Variants in PITPNC1 observed in about 807,000 individuals in gnomAD.
The protein encoded by PITPNC1 is phosphatidylinositol transfer protein cytoplasmic 1.
A neutral mutation model predicts 44.7 loss-of-function variants in PITPNC1; 18 were observed. The ratio of observed to expected loss-of-function variants is 0.40; its 90% CI spans 0.28 to 0.60. The LOEUF (loss-of-function observed/expected upper bound fraction) is 0.60. Among genes scored for constraint, PITPNC1 ranks in the 20% least tolerant of loss-of-function variants. The pLI, the probability that PITPNC1 is intolerant of heterozygous loss-of-function variation, is 0.39. For missense variants in PITPNC1, 290 were observed against 418.4 expected (o/e 0.69, Z 2.68); for synonymous variants, 141 against 149.6 (o/e 0.94, Z 0.42).
intron 1 of PITPNC1, among the ~76,000 whole-genome samples, chr17:67,394,584 T>C (rs2038187347): frequency 6.6e-6 from 1 of 152,070 alleles, no homozygotes. Flanking sequence ...TAGACATCAC[T>C]AGGAGAACTG....
intron 6 of PITPNC1, among the ~76,000 whole-genome samples, chr17:67,663,464 G>T (rs953745198): frequency 1.3e-5 from 2 of 151,984 alleles, no homozygotes; most frequent in African/African-American, 4.8e-5. Context: ...CAGCTACTCG[G>T]AAGGCTAAGG....
At chr17:67,650,637 G>A (rs763330718) in intron 6 of PITPNC1, among the ~76,000 whole-genome samples, 11 of 151,942 alleles carry the variant, frequency 7.2e-5, no homozygotes, top group Admixed American at 2.0e-4. Context: ...TTTTAGTAGA[G>A]ACGGGGTTTC....
At chr17:67,434,969 C>T (rs1161157047) in intron 1 of PITPNC1, among the ~76,000 whole-genome samples, 2 of 150,324 alleles carry the variant, frequency 1.3e-5, no homozygotes, top group Non-Finnish European at 3.0e-5. Flanking sequence ...ATTAGCTGGG[C>T]ATGGTGGCGG....
intron 1 of PITPNC1, among the ~76,000 whole-genome samples, chr17:67,400,204 C>T (rs1221375694): frequency 2.6e-5 from 4 of 152,098 alleles, no homozygotes; most frequent in South Asian, 2.1e-4. Flanking sequence ...CTGAGATGTC[C>T]GTGGGATCTA....
At chr17:67,554,626 A>C (rs558900832) in intron 4 of PITPNC1, among the ~76,000 whole-genome samples, 42 of 152,364 alleles carry the variant, frequency 2.8e-4, no homozygotes, top group African/African-American at 8.9e-4. Flanking sequence ...GCCAAAGGAT[A>C]GAGAGGTGGT....
At chr17:67,470,678 G>C (rs902944748) in intron 1 of PITPNC1, among the ~76,000 whole-genome samples, 51 of 152,248 alleles carry the variant, frequency 3.3e-4, no homozygotes, top group African/African-American at 1.2e-3. Context: ...CCCTCTGCCC[G>C]GCCACCACCC....
chr17:67,551,413 G>A (rs2040761021), intron 2 of PITPNC1, among the ~76,000 whole-genome samples: 1 of 152,204 alleles, frequency 6.6e-6, no homozygotes, highest in Non-Finnish European at 1.5e-5. Flanking sequence ...AAATCAAAGT[G>A]TTGTTTTCTT....
chr17:67,454,400 A>T (rs1044036497), intron 1 of PITPNC1, among the ~76,000 whole-genome samples: 3 of 152,248 alleles, frequency 2.0e-5, no homozygotes, highest in African/African-American at 7.2e-5. Flanking sequence ...TATAAAATGA[A>T]TAATAGTACC....
intron 6 of PITPNC1, among the ~76,000 whole-genome samples, chr17:67,643,252 G>A (rs574312572): frequency 7.9e-5 from 12 of 152,284 alleles, no homozygotes; most frequent in African/African-American, 2.6e-4. Flanking sequence ...TGGGCATGGC[G>A]GCACGCACCT....
In PITPNC1 at chr17:67,566,627, A is replaced by G. The variant is rs145851893; in HGVS notation, c.295-11559A>G. 4.6e-3 allele frequency among the ~76,000 whole-genome samples: 695 copies of G among 152,368 alleles called. 6 individuals are homozygous for G. The highest frequency in any genetic ancestry group is 0.016 in the African/African-American group (651 of 41,592). On this transcript the variant is annotated intron_variant, in intron 4 of 8. Transcript: ENST00000581322. Reference sequence around the variant, plus strand: ...TAATTTGGCATCTAAAGGAATACCAATGAATTTCTGAAATGAATAATTATT... The same window carrying G: ...TAATTTGGCATCTAAAGGAATACCAGTGAATTTCTGAAATGAATAATTATT...
intron 1 of PITPNC1, among the ~76,000 whole-genome samples, chr17:67,517,550 G>C (rs1174122800): frequency 1.3e-5 from 2 of 152,194 alleles, no homozygotes; most frequent in African/African-American, 4.8e-5. Context: ...ACAAAATGTG[G>C]TATATCCATA....
chr17:67,485,921 A>G (rs2039772295), intron 1 of PITPNC1, among the ~76,000 whole-genome samples: 1 of 152,204 alleles, frequency 6.6e-6, no homozygotes, highest in Non-Finnish European at 1.5e-5. Context: ...TAACTTGCGT[A>G]TTAAAGAATG....
At chr17:67,548,063 T>G (rs940721650) in intron 2 of PITPNC1, among the ~76,000 whole-genome samples, 1 of 152,168 alleles carries the variant, frequency 6.6e-6, no homozygotes, top group African/African-American at 2.4e-5. Context: ...CTCGCCTCTG[T>G]TGAGACAACC....
At chr17:67,551,294 G>A (rs527775869) in intron 2 of PITPNC1, among the ~76,000 whole-genome samples, 1 of 152,290 alleles carries the variant, frequency 6.6e-6, no homozygotes, top group East Asian at 1.9e-4. Flanking sequence ...AGGAACAGCT[G>A]TGTCATTTTA....
intron 1 of PITPNC1, among the ~76,000 whole-genome samples, chr17:67,489,144 A>G (rs1379311209): frequency 6.6e-6 from 1 of 151,904 alleles, no homozygotes; most frequent in Non-Finnish European, 1.5e-5. Context: ...ACGGTAACAG[A>G]CTCCTTTTTT....
At chr17:67,413,766 C>T (rs1274133058) in intron 1 of PITPNC1, among the ~76,000 whole-genome samples, 1 of 152,146 alleles carries the variant, frequency 6.6e-6, no homozygotes, top group Non-Finnish European at 1.5e-5. Context: ...GCTTCGCAGG[C>T]ATGCAGACAG....
chr17:67,689,062 C>G (rs575359491), intron 8 of PITPNC1, among the ~76,000 whole-genome samples: 1 of 151,896 alleles, frequency 6.6e-6, no homozygotes, highest in Non-Finnish European at 1.5e-5. Context: ...ATTAGCTGGG[C>G]GTGGTGGCGC....
chr17:67,467,038 C>T (rs1178836652), intron 1 of PITPNC1, among the ~76,000 whole-genome samples: 1 of 150,110 alleles, frequency 6.7e-6, no homozygotes, highest in African/African-American at 2.4e-5. Context: ...GAAAAGGGAC[C>T]TGAGCCAGTT....
At chr17:67,429,466 A>G (rs1598651112) in intron 1 of PITPNC1, among the ~76,000 whole-genome samples, 1 of 151,096 alleles carries the variant, frequency 6.6e-6, no homozygotes, top group African/African-American at 2.4e-5. Flanking sequence ...TTGGGAGGCC[A>G]AGGCAGGTGG....
Sources: gnomAD v4.1 joint callset for allele counts (sites outside exome capture counted in the v4.1 genomes callset) on GRCh38, gnomAD v4.1.1 for gene constraint, MANE v1.5 for transcripts, NCBI Gene and HGNC (gene_info 2026-07-23, HGNC 2026-07-21) for gene names.